The following CTNNA3 variants were observed in gnomAD, a reference collection of about 807,000 sequenced individuals.
CTNNA3 encodes catenin alpha 3, also known as catenin alpha-3.
In CTNNA3, 76 loss-of-function variants were observed where a neutral mutation model predicts 95.7. The ratio of observed to expected loss-of-function variants is 0.79; its 90% CI spans 0.66 to 0.96. The LOEUF is 0.96. CTNNA3 is among the 40% of genes least tolerant of loss of function. The pLI is 0.00. For missense variants in CTNNA3, 1,191 were observed against 1,089.8 expected (o/e 1.09, Z -1.31); for synonymous variants, 431 against 374.4 (o/e 1.15, Z -1.74).
intron 12 of CTNNA3, among the ~76,000 whole-genome samples, chr10:66,310,628 T>G (rs530081201): frequency 1.9e-4 from 29 of 152,188 alleles, no homozygotes; most frequent in Non-Finnish European, 2.8e-4. Flanking sequence ...AGCAAATATT[T>G]ATTTCCCATT....
Position 66,354,370 on chromosome 10 carries a change from G to A in CTNNA3, c.1732+24782C>T, listed in dbSNP as rs1032213994. ...TGTGTCTAAAAAAGAAACTAGCACT[G>A]GCTCTTGAAACAACATCAAGGTATC... is the stretch of plus-strand genomic sequence containing the variant. On this transcript the variant is annotated intron_variant, in intron 12 of 17. Transcript: ENST00000433211. 2.6e-5 allele frequency among the ~76,000 whole-genome samples: 4 copies of A among 151,688 alleles called. 1 individual carries two copies. The highest frequency in any genetic ancestry group is 6.8e-3 in the Middle Eastern group (2 of 292).
intron 7 of CTNNA3, among the ~76,000 whole-genome samples, chr10:66,884,079 AG>A (rs2132474403): frequency 6.6e-6 from 1 of 152,122 alleles, no homozygotes; most frequent in African/African-American, 2.4e-5. Context: ...AGCATGAGAG[AG>A]GGGGAGGTGC....
chr10:66,953,678 T>A (rs1848651868), intron 7 of CTNNA3, among the ~76,000 whole-genome samples: 1 of 152,164 alleles, frequency 6.6e-6, no homozygotes, highest in Non-Finnish European at 1.5e-5. Context: ...ACATAATAAT[T>A]TTATCTTTGA....
rs561704093 is a variant in CTNNA3, at chr10:67,686,863, T to C, written c.-6+9137A>G. Among the ~76,000 whole-genome samples, 7 of 152,224 alleles carry C rather than the reference T, an allele frequency of 4.6e-5. No homozygotes were observed. The East Asian group carries it at 1.4e-3, about 29-fold the overall frequency. On this transcript the variant is annotated intron_variant, in intron 1 of 17. Transcript: ENST00000433211. ...TAAGGATGGACCTTGAGTTTGTTCCTTCCAATGCCCAGACTTCAGGGTTGA... is the reference window on the plus strand; with the variant it reads ...TAAGGATGGACCTTGAGTTTGTTCCCTCCAATGCCCAGACTTCAGGGTTGA...
chr10:66,603,442 C>A (rs1844004870), intron 10 of CTNNA3, among the ~76,000 whole-genome samples: 2 of 151,878 alleles, frequency 1.3e-5, no homozygotes, highest in Non-Finnish European at 2.9e-5. Context: ...TTGAAGAGGA[C>A]ACAAAAAAAT....
chr10:66,876,290 C>T (rs949030937), intron 7 of CTNNA3, among the ~76,000 whole-genome samples: 9 of 151,900 alleles, frequency 5.9e-5, no homozygotes, highest in African/African-American at 2.2e-4. Context: ...GGATAAACAA[C>T]GAAACAGAAA....
At chr10:67,311,510 AT>A (rs1401962070) in intron 5 of CTNNA3, among the ~76,000 whole-genome samples, 1 of 152,156 alleles carries the variant, frequency 6.6e-6, no homozygotes, top group African/African-American at 2.4e-5. Context: ...GCAGACAGAA[AT>A]TTCTAGAGTG....
intron 5 of CTNNA3, among the ~76,000 whole-genome samples, chr10:67,499,869 T>C (rs2133099792): frequency 6.6e-6 from 1 of 152,300 alleles, no homozygotes; most frequent in South Asian, 2.1e-4. Flanking sequence ...TTGTTAATCT[T>C]TTCAAAAAAC....
intron 3 of CTNNA3, among the ~76,000 whole-genome samples, chr10:67,592,719 G>A (rs1842825981): frequency 6.6e-6 from 1 of 152,130 alleles, no homozygotes. Context: ...GAAAGTGGCA[G>A]TTTCCACTGC....
intron 7 of CTNNA3, among the ~76,000 whole-genome samples, chr10:67,137,186 G>A (rs565654625): frequency 9.2e-5 from 14 of 152,216 alleles, no homozygotes; most frequent in East Asian, 1.9e-4. Context: ...AGAGATGATC[G>A]CTCTGAGGGT....
chr10:66,417,748 C>T (rs914328066), intron 11 of CTNNA3, among the ~76,000 whole-genome samples: 6 of 151,644 alleles, frequency 4.0e-5, no homozygotes, highest in East Asian at 1.9e-4. Context: ...TATAAATATA[C>T]AAAAATTAAA....
chr10:67,343,528 G>T (rs1395880258), intron 5 of CTNNA3, among the ~76,000 whole-genome samples: 1 of 151,998 alleles, frequency 6.6e-6, no homozygotes, highest in Non-Finnish European at 1.5e-5. Flanking sequence ...TTGTAAATGG[G>T]ATTCCATTTT....
chr10:67,351,518 A>C (rs1051597355), intron 5 of CTNNA3, among the ~76,000 whole-genome samples: 2 of 152,018 alleles, frequency 1.3e-5, no homozygotes, highest in African/African-American at 2.4e-5. Context: ...AAACCAAGCT[A>C]TAATTTTTTA....
chr10:66,030,168 T>G (rs2079422217), intron 15 of CTNNA3, among the ~76,000 whole-genome samples: 1 of 152,108 alleles, frequency 6.6e-6, no homozygotes, highest in African/African-American at 2.4e-5. Context: ...AGATTCAACA[T>G]TATTCCTATT....
chr10:66,821,258 C>T (rs1183083718), intron 7 of CTNNA3, among the ~76,000 whole-genome samples: 1 of 152,088 alleles, frequency 6.6e-6, no homozygotes, highest in Non-Finnish European at 1.5e-5. Flanking sequence ...ACAGTTTAAC[C>T]AATTTGAAAA....
At chr10:66,217,497 G>A (rs2088631734) in intron 13 of CTNNA3, among the ~76,000 whole-genome samples, 1 of 152,074 alleles carries the variant, frequency 6.6e-6, no homozygotes, top group Admixed American at 6.5e-5. Context: ...TATTGTATGG[G>A]ATGGATATTC....
chr10:66,994,525 A>C (rs2132949075), intron 7 of CTNNA3, among the ~76,000 whole-genome samples: 1 of 152,356 alleles, frequency 6.6e-6, no homozygotes, highest in African/African-American at 2.4e-5. Flanking sequence ...GGAAAAAAGC[A>C]GTTGAAGTAA....
chr10:67,025,305 C>T (rs1479275686), intron 7 of CTNNA3, among the ~76,000 whole-genome samples: 1 of 151,210 alleles, frequency 6.6e-6, no homozygotes, highest in Non-Finnish European at 1.5e-5. Context: ...TTGATTAGCT[C>T]ATAAGCCTAT....
chr10:67,515,649 C>A (rs1839788631), intron 5 of CTNNA3, among the ~76,000 whole-genome samples: 2 of 152,122 alleles, frequency 1.3e-5, no homozygotes, highest in African/African-American at 4.8e-5. Context: ...TAGAATACCA[C>A]CTAAGACAGA....
Sources: allele counts gnomAD v4.1 joint callset (sites outside exome capture counted in the v4.1 genomes callset), GRCh38; gene constraint gnomAD v4.1.1; transcripts MANE v1.5; gene names NCBI Gene and HGNC (gene_info 2026-07-23, HGNC 2026-07-21).